ALDH1A1: variants seen among roughly 807,000 people sequenced by gnomAD.
The protein encoded by ALDH1A1 is aldehyde dehydrogenase 1 family member A1.
Under a neutral mutation model 62.1 loss-of-function variants are expected in ALDH1A1, and 19 were observed. The observed-to-expected ratio is 0.31, with a 90% CI of 0.21 to 0.45. The LOEUF is 0.45. Among genes scored for constraint, ALDH1A1 ranks in the 20% least tolerant of loss-of-function variants. The pLI, the probability that ALDH1A1 is intolerant of heterozygous loss-of-function variation, is 1.00. For missense variants in ALDH1A1, 521 were observed against 607.1 expected, an observed-to-expected ratio of 0.86 and a Z score of 1.49; for synonymous variants, 231 against 215.9, an observed-to-expected ratio of 1.07 and a Z score of -0.61.
At chr9:72,917,519 G>A (rs1198578006) in intron 8 of ALDH1A1, among the ~76,000 whole-genome samples, 2 of 151,992 alleles carry the variant, frequency 1.3e-5, no homozygotes, top group African/African-American at 2.4e-5. Flanking sequence ...AATTTCAAAA[G>A]ATTCTTAAAT....
rs183289761 is a variant in ALDH1A1 at position 72,939,004 on chromosome 9, A to G, written c.171+1144T>C. 3.2e-3 allele frequency among the ~76,000 whole-genome samples: 482 copies of G among 152,200 alleles called. 8 individuals carry two copies. The highest frequency in any genetic ancestry group is 4.4e-3 in the Non-Finnish European group (302 of 68,010). ...ATCATCTGCCCGCCTCGGCCTCCCA[A>G]AGTGCTGGGATTACAGGTGAGAGCC... On this transcript the variant is annotated intron_variant, in intron 2 of 12. Transcript: ENST00000297785.
At chr9:72,946,980 G>A (rs1421975009) in intron 1 of ALDH1A1, among the ~76,000 whole-genome samples, 2 of 151,850 alleles carry the variant, frequency 1.3e-5, no homozygotes, top group African/African-American at 2.4e-5. Context: ...AAATTCAATA[G>A]GTTAAAGTCC....
intron 12 of ALDH1A1, among the ~76,000 whole-genome samples, chr9:72,905,576 A>C (rs1306596584): frequency 6.6e-6 from 1 of 152,154 alleles, no homozygotes; most frequent in Non-Finnish European, 1.5e-5. Context: ...TATTCAAATA[A>C]CTAGAGTGTT....
At chr9:72,945,542 G>A (rs963804636) in intron 1 of ALDH1A1, among the ~76,000 whole-genome samples, 20 of 152,096 alleles carry the variant, frequency 1.3e-4, no homozygotes, top group African/African-American at 4.6e-4. Flanking sequence ...TAGGCTGCAT[G>A]GGTGGTGGTG....
chr9:72,929,497 G>A lies in ALDH1A1; in HGVS notation c.313-476C>T, dbSNP rs116445341. On this transcript the variant is annotated intron_variant, in intron 3 of 12. Coordinates refer to ENST00000297785, the MANE Select transcript of ALDH1A1 (RefSeq NM_000689.5). ...ACACAGTCTACTCACACAAACTTAA[G>A]TAATGCCTGGATTTTTCATCCATGA... Among the ~76,000 whole-genome samples, 1,264 of 152,216 alleles carry A rather than the reference G, an allele frequency of 8.3e-3. 20 individuals are homozygous for A. Among genetic ancestry groups the A allele is most frequent in the African/African-American group, 0.029 (1,200 of 41,518 alleles).
intron 2 of ALDH1A1, among the ~76,000 whole-genome samples, chr9:72,939,550 C>T (rs201242247): frequency 6.8e-6 from 1 of 146,604 alleles, no homozygotes. Context: ...TTTTCCTTTT[C>T]TTTTTTTTTT....
intron 6 of ALDH1A1, 138 bp from the exon 7 acceptor site, chr9:72,924,270 C>G: frequency 1.7e-6 from 1 of 586,974 alleles, no homozygotes; most frequent in Non-Finnish European, 3.0e-6. Context: ...TGGCTCTATT[C>G]TTTAGTCTTA....
chr9:72,903,113 C>T (rs1009429381), intron 12 of ALDH1A1, among the ~76,000 whole-genome samples: 1 of 151,974 alleles, frequency 6.6e-6, no homozygotes, highest in African/African-American at 2.4e-5. Flanking sequence ...TTTGTGTTCT[C>T]ACTATACGAC....
intron 6 of ALDH1A1, 107 bp from the exon 7 acceptor site, chr9:72,924,239 G>A: frequency 2.9e-6 from 2 of 687,578 alleles, no homozygotes; most frequent in Non-Finnish European, 4.8e-6. Context: ...AGATGCTCTA[G>A]AAAAAAATAA....
chr9:72,912,612 C>T (rs1830006444), intron 9 of ALDH1A1, among the ~76,000 whole-genome samples: 1 of 152,128 alleles, frequency 6.6e-6, no homozygotes. Context: ...ATTTCTGAAT[C>T]ACCCACTCTG....
At chr9:72,926,702 T>C (rs1248394514) in intron 5 of ALDH1A1, among the ~76,000 whole-genome samples, 1 of 152,204 alleles carries the variant, frequency 6.6e-6, no homozygotes, top group Non-Finnish European at 1.5e-5. Flanking sequence ...TGATGAGATG[T>C]CTCAATGAGA....
intron 7 of ALDH1A1, 109 bp from the exon 8 acceptor site, chr9:72,918,931 G>C: frequency 1.3e-6 from 1 of 743,474 alleles, no homozygotes; most frequent in South Asian, 2.1e-5. Context: ...ATTTCATTTG[G>C]GAGAAACACC....
At chr9:72,913,597 T>C (rs1021598579) in intron 9 of ALDH1A1, among the ~76,000 whole-genome samples, 9 of 152,244 alleles carry the variant, frequency 5.9e-5, no homozygotes, top group Non-Finnish European at 1.3e-4. Flanking sequence ...TCCCAAGTCA[T>C]GTTTTCCTGT....
intron 9 of ALDH1A1, among the ~76,000 whole-genome samples, chr9:72,915,121 T>G (rs531518485): frequency 6.6e-6 from 1 of 152,174 alleles, no homozygotes; most frequent in Non-Finnish European, 1.5e-5. Context: ...TTATAGAAAC[T>G]AAATTCTTAT....
chr9:72,912,134 A>T lies in ALDH1A1; in HGVS notation c.1036-12T>A. The stretch of plus-strand genomic sequence containing the variant: ...TGTTCCTTGTCAATCTATTTGAAAA[A>T]TATCACATGAAAAGAAAAAAAGTAG... On this transcript the variant is annotated splice_polypyrimidine_tract_variant and intron_variant, in intron 9 of 12. Coordinates refer to ENST00000297785, the MANE Select transcript of ALDH1A1 (RefSeq NM_000689.5). The T allele has an allele frequency of 4.4e-6, 7 of 1,605,626 alleles. No individual in the cohort carries two copies. Among genetic ancestry groups the T allele is most frequent in the Non-Finnish European group, 6.0e-6 (7 of 1,174,908 alleles).
In ALDH1A1 at chr9:72,908,552, G is replaced by GAAGAAAGAAAGA. The variant is rs141763068; in HGVS notation, c.1358+1038_1358+1049dup. Among the ~76,000 whole-genome samples, 8 of 91,848 alleles carry GAAGAAAGAAAGA rather than the reference G, an allele frequency of 8.7e-5. 1 individual carries two copies. The highest frequency in any genetic ancestry group is 1.5e-4 in the African/African-American group (3 of 19,478). The allele number at this position is 91,848 out of a possible 152,430, so 60.3% of individuals were successfully genotyped here. On this transcript the variant is annotated intron_variant, in intron 11 of 12. Coordinates refer to ENST00000297785, the MANE Select transcript of ALDH1A1 (RefSeq NM_000689.5). ...GAAAGAAAGAAAGAAAGAAAAGAAAGAAGAAAGAAAGAAAGAAAGAAAGAA... is the reference window on the plus strand; with the variant it reads ...GAAAGAAAGAAAGAAAGAAAAGAAAGAAGAAAGAAAGAAAGAAAGAAAGAAAGAAAGAAAGAA...
chr9:72,905,886 G>T, intron 12 of ALDH1A1, 72 bp downstream of exon 12: 1 of 1,267,184 alleles, frequency 7.9e-7, no homozygotes, highest in South Asian at 1.4e-5. Flanking sequence ...TGAAAACTAT[G>T]AGTTAATTCC....
chr9:72,944,687 T>C (rs1830456146), intron 1 of ALDH1A1, among the ~76,000 whole-genome samples: 1 of 152,114 alleles, frequency 6.6e-6, no homozygotes, highest in South Asian at 2.1e-4. Flanking sequence ...TTATTTTCCA[T>C]TTGTTTTTTG....
Position 72,901,114 on chromosome 9 carries a change from G to T in ALDH1A1, c.*94C>A. On this transcript the variant is annotated 3_prime_UTR_variant, in exon 13 of 13. Transcript: ENST00000297785. ...TTTAGCTTATGTTTAAAAAAATCAA[G>T]AAAAGAAAAATTTTGTCTTTAAAAT... 1.1e-6 allele frequency: 1 copy of T among 944,510 alleles called. No individual in the cohort carries two copies. Among genetic ancestry groups the T allele is most frequent in the Non-Finnish European group, 1.6e-6 (1 of 637,392 alleles). 58.5% of individuals were successfully genotyped at this position (944,510 alleles called of 1,614,324 possible).
Sources: allele counts gnomAD v4.1 joint callset (sites outside exome capture counted in the v4.1 genomes callset), GRCh38; gene constraint gnomAD v4.1.1; transcripts MANE v1.5; gene names NCBI Gene and HGNC (gene_info 2026-07-23, HGNC 2026-07-21).